The following C1orf115 variants were observed in gnomAD, a reference collection of about 807,000 sequenced individuals.
C1orf115 encodes the protein chromosome 1 open reading frame 115.
C1orf115 carries 14 observed loss-of-function variants against 12.5 expected under a neutral mutation model. The observed-to-expected ratio is 1.12, with a 90% confidence interval of 0.74 to 1.75. C1orf115 has a LOEUF of 1.75. C1orf115 is among the 40% of genes most tolerant of loss of function. C1orf115 has a pLI of 0.00. For synonymous variants in C1orf115, 109 were observed against 104.6 expected (o/e 1.04, Z -0.26); for missense variants, 237 against 220.8 (o/e 1.07, Z -0.46).
intron 1 of C1orf115, among the ~76,000 whole-genome samples, chr1:220,694,080 C>CAAAAAAAA (rs11353067): frequency 4.2e-5 from 3 of 72,048 alleles, no homozygotes; most frequent in Non-Finnish European, 7.5e-5. Context: ...AACGCGGTCT[C>CAAAAAAAA]AAAAAAAAAA....
At chr1:220,695,888 T>A (rs1332505667) in intron 1 of C1orf115, among the ~76,000 whole-genome samples, 1 of 152,034 alleles carries the variant, frequency 6.6e-6, no homozygotes, top group Non-Finnish European at 1.5e-5. Flanking sequence ...GTGCAATAAA[T>A]GTTTGGTGGT....
chr1:220,690,455 G>A lies in C1orf115; in HGVS notation c.53G>A (p.Arg18His). The A allele has an allele frequency of 6.9e-7, 1 of 1,447,848 alleles. No homozygotes were observed. The highest frequency in any genetic ancestry group is 1.4e-5 in the South Asian group (1 of 71,442). The allele number at this position is 1,447,848 out of a possible 1,614,324, so 89.7% of individuals were successfully genotyped here. The change falls in exon 1 of 2, where the codon CGC becomes CAC. Residue 18 changes from arginine to histidine, a missense_variant. Physicochemically the swap from Arg to His is conservative, Grantham distance 29. Coordinates refer to ENST00000294889, the MANE Select transcript of C1orf115 (RefSeq NM_024709.5). Reference sequence around the variant, plus strand: ...AAGGCGGAGAGCAGCCTCCTGCGCCGCGGGCCCCGAGGGCGAGGGCGAACC... The same window carrying A: ...AAGGCGGAGAGCAGCCTCCTGCGCCACGGGCCCCGAGGGCGAGGGCGAACC... ...RSKAESSLLR[R>H]GPRGRGRTEG...
intron 1 of C1orf115, among the ~76,000 whole-genome samples, chr1:220,692,238 C>T (rs1397538687): frequency 6.6e-6 from 1 of 152,134 alleles, no homozygotes; most frequent in Non-Finnish European, 1.5e-5. Context: ...TTTGGGAGTT[C>T]CTTAAAAAGT....
At chr1:220,691,152 A>G (rs922643435) in intron 1 of C1orf115, among the ~76,000 whole-genome samples, 1 of 152,104 alleles carries the variant, frequency 6.6e-6, no homozygotes, top group Non-Finnish European at 1.5e-5. Flanking sequence ...TAGTTGAGAA[A>G]TGTTTGGGTT....
rs900093021 is a variant in C1orf115, at chr1:220,690,376, G to C, written c.-27G>C. The C allele has an allele frequency of 5.1e-6, 7 of 1,383,194 alleles. No homozygotes were observed. Among genetic ancestry groups the C allele is most frequent in the Non-Finnish European group, 6.5e-6 (7 of 1,075,842 alleles). The allele number at this position is 1,383,194 out of a possible 1,614,324, so 85.7% of individuals were successfully genotyped here. A position where few individuals can be genotyped will look rare whatever the true frequency, so the allele number is the denominator to read the frequency against. ...CCAAAGGTTGGTGTCTTTGCGCTCG[G>C]ACCTTCGCCAGAGGGGCCGGGACAT... On this transcript the variant is annotated 5_prime_UTR_variant, in exon 1 of 2. Coordinates refer to ENST00000294889, the MANE Select transcript of C1orf115 (RefSeq NM_024709.5).
chr1:220,691,748 T>G lies in C1orf115; in HGVS notation c.309+1037T>G, dbSNP rs1286510977. On this transcript the variant is annotated intron_variant, in intron 1 of 1. Transcript: ENST00000294889. Reference sequence around the variant, plus strand: ...AAGCCATCATGTCCCTCTCCATTGGTGAACTGATACTGCAGAAACCTCAGC... The same window carrying G: ...AAGCCATCATGTCCCTCTCCATTGGGGAACTGATACTGCAGAAACCTCAGC... Among the ~76,000 whole-genome samples the G allele has an allele frequency of 2.6e-5, 4 of 152,302 alleles. No individual in the cohort carries two copies. The East Asian group carries it at 5.8e-4, about 22-fold the overall frequency.
At chr1:220,692,072 G>GGT (rs577715068) in intron 1 of C1orf115, among the ~76,000 whole-genome samples, 9 of 152,166 alleles carry the variant, frequency 5.9e-5, no homozygotes, top group Non-Finnish European at 1.3e-4. Context: ...ACAGTGAAGT[G>GGT]GTATGAAGTA....
chr1:220,692,436 A>G (rs1670126923), intron 1 of C1orf115, among the ~76,000 whole-genome samples: 1 of 152,274 alleles, frequency 6.6e-6, no homozygotes, highest in Admixed American at 6.5e-5. Context: ...TGTTATATAC[A>G]TACAATGGAA....
At chr1:220,692,438 A>G (rs1670126964) in intron 1 of C1orf115, among the ~76,000 whole-genome samples, 1 of 152,254 alleles carries the variant, frequency 6.6e-6, no homozygotes, top group South Asian at 2.1e-4. Flanking sequence ...TTATATACAT[A>G]CAATGGAATA....
chr1:220,690,808 C>T (rs1670091235), intron 1 of C1orf115, 97 bp downstream of exon 1: 4 of 1,368,622 alleles, frequency 2.9e-6, no homozygotes, highest in East Asian at 2.9e-5. Context: ...CCCAGTTTCT[C>T]CGGGCTGCAC....
chr1:220,690,870 G>C (rs904558593), intron 1 of C1orf115, among the ~76,000 whole-genome samples, 159 bp downstream of exon 1: 1 of 152,154 alleles, frequency 6.6e-6, no homozygotes, highest in Non-Finnish European at 1.5e-5. Context: ...GAAGCCGCGA[G>C]TTGCGAGTCG....
intron 1 of C1orf115, 104 bp downstream of exon 1, chr1:220,690,815 G>T: frequency 1.5e-6 from 2 of 1,345,362 alleles, no homozygotes; most frequent in Non-Finnish European, 2.0e-6. Context: ...TCTCCGGGCT[G>T]CACCTGCGAC....
chr1:220,691,713 G>A (rs913215593), intron 1 of C1orf115, among the ~76,000 whole-genome samples: 2 of 152,216 alleles, frequency 1.3e-5, no homozygotes, highest in Non-Finnish European at 2.9e-5. Flanking sequence ...GGTCCCAGTT[G>A]AGCACAAAGA....
At chr1:220,695,620 G>A (rs1670181893) in intron 1 of C1orf115, among the ~76,000 whole-genome samples, 1 of 151,176 alleles carries the variant, frequency 6.6e-6, no homozygotes, top group Admixed American at 6.6e-5. Flanking sequence ...GTATGAGGCA[G>A]TACCCGGGGG....
Position 220,690,656 on chromosome 1 carries a change from C to T in C1orf115, c.254C>T (p.Ala85Val), listed in dbSNP as rs545212089. ...CGCTACGAGCCACTGGAGGAGCCGG[C>T]GCCGAGCGAGCAGCCCAGGAAGAGG... ...PERYEPLEEPAPSEQPRKRYR... is the reference protein window; with the variant it reads ...PERYEPLEEPVPSEQPRKRYR... The change falls in exon 1 of 2, where the codon GCG becomes GTG. Residue 85 changes from alanine (A) to valine (V), a missense_variant. Ala to Val is a moderately conservative substitution (Grantham distance 64). Coordinates refer to ENST00000294889, the MANE Select transcript of C1orf115 (RefSeq NM_024709.5). 5.0e-6 allele frequency: 8 copies of T among 1,591,878 alleles called. No homozygotes were observed. In the African/African-American group the frequency reaches 9.5e-5, roughly 19 times the overall value.
chr1:220,696,466 TG>T, intron 1 of C1orf115, 145 bp from the exon 2 acceptor site: 1 of 948,732 alleles, frequency 1.1e-6, no homozygotes, highest in Non-Finnish European at 1.5e-6. Context: ...TGTGGGAATG[TG>T]GTAACTTGCT....
chr1:220,690,819 C>A, intron 1 of C1orf115, 108 bp downstream of exon 1: 3 of 1,287,278 alleles, frequency 2.3e-6, no homozygotes, highest in Non-Finnish European at 3.2e-6. Flanking sequence ...CGGGCTGCAC[C>A]TGCGACCCCT....
chr1:220,698,140 T>G lies in C1orf115; in HGVS notation c.*1409T>G, dbSNP rs1670221719. On this transcript the variant is annotated 3_prime_UTR_variant, in exon 2 of 2. Coordinates refer to ENST00000294889, the MANE Select transcript of C1orf115 (RefSeq NM_024709.5). ...CCCCCCAGTAGGCCACTGTTCTGAC[T>G]TTGTTTCCAGAATATCCAGAAATCC... 1 of 152,440 alleles carries G rather than the reference T, an allele frequency of 6.6e-6. No individual in the cohort carries two copies. Among genetic ancestry groups the G allele is most frequent in the Non-Finnish European group, 1.5e-5 (1 of 68,266 alleles). 9.4% of individuals were successfully genotyped at this position (152,440 alleles called of 1,614,324 possible).
At position 220,690,373 on chromosome 1, in the gene C1orf115, T is replaced by C; in HGVS notation, c.-30T>C. 1 of 1,377,610 alleles carries C rather than the reference T, an allele frequency of 7.3e-7. No homozygotes were observed. The highest frequency in any genetic ancestry group is 9.3e-7 in the Non-Finnish European group (1 of 1,072,516). The allele number at this position is 1,377,610 out of a possible 1,614,324, so 85.3% of individuals were successfully genotyped here. A position where few individuals can be genotyped will look rare whatever the true frequency, so the allele number is the denominator to read the frequency against. The stretch of plus-strand genomic sequence containing the variant: ...GGACCAAAGGTTGGTGTCTTTGCGC[T>C]CGGACCTTCGCCAGAGGGGCCGGGA... On this transcript the variant is annotated 5_prime_UTR_variant, in exon 1 of 2. Transcript: ENST00000294889.
Sources: allele counts gnomAD v4.1 joint callset (sites outside exome capture counted in the v4.1 genomes callset), GRCh38; gene constraint gnomAD v4.1.1; transcripts MANE v1.5; gene names NCBI Gene and HGNC (gene_info 2026-07-23, HGNC 2026-07-21).